Variants in TMCC1 observed in about 807,000 individuals in gnomAD.
TMCC1 encodes transmembrane and coiled-coil domains protein 1.
In TMCC1, 15 loss-of-function variants were observed where a neutral mutation model predicts 52.4. The ratio of observed to expected loss-of-function variants is 0.29; its 90% CI spans 0.19 to 0.44. TMCC1 has a LOEUF of 0.44. TMCC1 is among the 20% of genes least tolerant of loss of function. The pLI, the probability that TMCC1 is intolerant of heterozygous loss-of-function variation, is 1.00. For missense variants in TMCC1, 503 were observed against 806.0 expected (o/e 0.62, Z 4.55); for synonymous variants, 279 against 301.9 (o/e 0.92, Z 0.79).
At chr3:129,669,924 T>C (rs925761321) in intron 5 of TMCC1, among the ~76,000 whole-genome samples, 1 of 152,214 alleles carries the variant, frequency 6.6e-6, no homozygotes, top group Non-Finnish European at 1.5e-5. Context: ...AATCTTTCTA[T>C]ACCAAGTTGC....
At chr3:129,694,207 A>C (rs2047227821) in intron 4 of TMCC1, among the ~76,000 whole-genome samples, 1 of 152,228 alleles carries the variant, frequency 6.6e-6, no homozygotes, top group Non-Finnish European at 1.5e-5. Flanking sequence ...TATAGTAAAT[A>C]ATAAAGAGTG....
At chr3:129,760,420 GTGTGTGTGTGTGTGTT>G (rs2053439782) in intron 4 of TMCC1, among the ~76,000 whole-genome samples, 1 of 149,546 alleles carries the variant, frequency 6.7e-6, no homozygotes, top group South Asian at 2.2e-4. Context: ...GTGTGTGTGT[GTGTGTGTGTGTGTGTT>G]TTTGAGACAG....
At chr3:129,890,103 AC>A (rs958914598) in intron 1 of TMCC1, among the ~76,000 whole-genome samples, 1 of 152,060 alleles carries the variant, frequency 6.6e-6, no homozygotes, top group Non-Finnish European at 1.5e-5. Flanking sequence ...AACATATGAG[AC>A]CCCATCTCTC....
chr3:129,862,933 A>G (rs1302267736), intron 2 of TMCC1, among the ~76,000 whole-genome samples: 1 of 152,190 alleles, frequency 6.6e-6, no homozygotes, highest in African/African-American at 2.4e-5. Flanking sequence ...TGCCATATCC[A>G]TTTCTAAAAG....
At position 129,740,081 on chromosome 3, in the gene TMCC1, G is replaced by A. The variant is rs375197772; in HGVS notation, c.577-68817C>T. On this transcript the variant is annotated intron_variant, in intron 4 of 6. Coordinates refer to ENST00000393238, the MANE Select transcript of TMCC1 (RefSeq NM_001017395.5). ...TCCTGCCATTTCAGAGAAACAGAGC[G>A]GTGTAAGTGAGAACAGCTCAGGTCT... Among the ~76,000 whole-genome samples the A allele has an allele frequency of 7.2e-5, 11 of 152,300 alleles. No homozygotes were observed. In the East Asian group the frequency reaches 1.4e-3, roughly 19 times the overall value.
At chr3:129,892,048 T>C (rs1415942024) in intron 1 of TMCC1, among the ~76,000 whole-genome samples, 3 of 152,242 alleles carry the variant, frequency 2.0e-5, no homozygotes, top group Admixed American at 6.5e-5. Flanking sequence ...CTTCTGTTTA[T>C]CTTAAGATGC....
intron 1 of TMCC1, among the ~76,000 whole-genome samples, chr3:129,891,770 A>G (rs1370980777): frequency 2.0e-5 from 3 of 152,212 alleles, no homozygotes; most frequent in Non-Finnish European, 2.9e-5. Flanking sequence ...CATTTGATGA[A>G]TTAATGAATG....
chr3:129,683,540 G>A (rs983168775), intron 4 of TMCC1, among the ~76,000 whole-genome samples: 5 of 152,074 alleles, frequency 3.3e-5, no homozygotes, highest in South Asian at 4.1e-4. Context: ...ACCTGTAACC[G>A]AATAAAAATT....
rs564424243 is a variant in TMCC1 at position 129,665,537 on chromosome 3, T to C, written c.1511+4793A>G. On this transcript the variant is annotated intron_variant, in intron 5 of 6. Coordinates refer to ENST00000393238, the MANE Select transcript of TMCC1 (RefSeq NM_001017395.5). ...CCTAGGAAACTTTCCAGAGCTTGCA[T>C]ATTCATAGCATTTTTATAAAATATG... Among the ~76,000 whole-genome samples the C allele has an allele frequency of 7.9e-5, 12 of 152,382 alleles. No individual in the cohort carries two copies. The South Asian group carries it at 2.5e-3, about 32-fold the overall frequency.
intron 4 of TMCC1, chr3:129,819,996 G>C (rs1233080309): frequency 6.6e-6 from 1 of 151,134 alleles, no homozygotes; most frequent in African/African-American, 2.4e-5. Context: ...GAAGGCTACG[G>C]ATTCATTTAA....
At chr3:129,880,773 A>T (rs1042053156) in intron 1 of TMCC1, among the ~76,000 whole-genome samples, 1 of 152,136 alleles carries the variant, frequency 6.6e-6, no homozygotes, top group Admixed American at 6.6e-5. Context: ...TGCTCAACTG[A>T]TAAGTATAAT....
intron 4 of TMCC1, among the ~76,000 whole-genome samples, chr3:129,783,956 CAT>C (rs1012474255): frequency 6.6e-6 from 1 of 152,182 alleles, no homozygotes; most frequent in Non-Finnish European, 1.5e-5. Flanking sequence ...ACAATATTTG[CAT>C]ATCTTTCTGA....
intron 1 of TMCC1, among the ~76,000 whole-genome samples, chr3:129,884,450 C>T (rs532783985): frequency 4.0e-4 from 60 of 151,544 alleles, no homozygotes; most frequent in African/African-American, 1.5e-3. Context: ...CAACATAGTG[C>T]AACCCCATTT....
chr3:129,832,211 C>A (rs1240995541), intron 3 of TMCC1, among the ~76,000 whole-genome samples: 1 of 152,066 alleles, frequency 6.6e-6, no homozygotes, highest in East Asian at 1.9e-4. Flanking sequence ...ACTGCATAAG[C>A]CTATCAAATG....
chr3:129,733,401 C>T (rs150623288), intron 4 of TMCC1, among the ~76,000 whole-genome samples: 2 of 152,286 alleles, frequency 1.3e-5, no homozygotes, highest in African/African-American at 4.8e-5. Context: ...TTCTAAGAAA[C>T]AGATTCAATA....
chr3:129,776,396 A>G (rs991964319), intron 4 of TMCC1, among the ~76,000 whole-genome samples: 1 of 152,210 alleles, frequency 6.6e-6, no homozygotes, highest in Non-Finnish European at 1.5e-5. Flanking sequence ...TTAACTGGAG[A>G]TATTGATTTG....
rs745342905 is a variant in TMCC1 at position 129,670,712 on chromosome 3, G to T, written c.1129C>A (p.Arg377=). ...SKPREIASLI[R]NKFGSADNIP... is the part of the protein sequence containing the mutation. ...TTGTCTGCACTGCCAAATTTGTTCC[G>T]AATGAGTGAGGCAATCTCTCTGGGC... Residue 377 remains arginine (R), a synonymous_variant, in exon 5 of 7, where the codon CGG becomes AGG. Transcript: ENST00000393238. 6.2e-7 allele frequency: 1 copy of T among 1,614,152 alleles called. No homozygotes were observed.
intron 2 of TMCC1, among the ~76,000 whole-genome samples, chr3:129,859,367 C>T (rs1303493174): frequency 6.6e-6 from 1 of 152,084 alleles, no homozygotes; most frequent in Admixed American, 6.5e-5. Context: ...GGTGTGATAG[C>T]TCACGCGTTA....
chr3:129,677,049 C>T (rs563711982), intron 4 of TMCC1, among the ~76,000 whole-genome samples: 67 of 151,756 alleles, frequency 4.4e-4, no homozygotes, highest in African/African-American at 1.4e-3. Context: ...AGATCACTTG[C>T]GCTCAGGAGT....
Sources: gnomAD v4.1 joint callset for allele counts (sites outside exome capture counted in the v4.1 genomes callset) on GRCh38, gnomAD v4.1.1 for gene constraint, MANE v1.5 for transcripts, NCBI Gene and HGNC (gene_info 2026-07-23, HGNC 2026-07-21) for gene names.